Variants in PRKG1 observed in about 807,000 individuals in gnomAD.
PRKG1 encodes protein kinase cGMP-dependent 1.
A neutral mutation model predicts 88.1 loss-of-function variants in PRKG1; 35 were observed. The observed-to-expected ratio is 0.40, with a 90% confidence interval of 0.30 to 0.53. The LOEUF is 0.53. Ranked by LOEUF, PRKG1 falls within the 20% of genes least tolerant of loss-of-function variation. The pLI, the probability that PRKG1 is intolerant of heterozygous loss-of-function variation, is 0.59. For synonymous variants in PRKG1, 303 were observed against 292.5 expected (o/e 1.04, Z -0.37); for missense variants, 540 against 839.8 (o/e 0.64, Z 4.41).
At position 51,970,792 on chromosome 10, in the gene PRKG1, T is replaced by G. The variant is rs536426691; in HGVS notation, c.762+63222T>G. Among the ~76,000 whole-genome samples, 130 of 134,174 alleles carry G rather than the reference T, an allele frequency of 9.7e-4. 1 individual carries two copies. The highest frequency in any genetic ancestry group is 8.0e-3 in the South Asian group (37 of 4,598). 88.0% of individuals were successfully genotyped at this position (134,174 alleles called of 152,430 possible). ...TATATATATATCAGATATATCAGAT[T>G]ATATATATATATCAGATGATGTGTA... On this transcript the variant is annotated intron_variant, in intron 5 of 17. Transcript: ENST00000373980.
At chr10:51,213,772 G>A (rs886765884) in intron 2 of PRKG1, among the ~76,000 whole-genome samples, 1 of 152,134 alleles carries the variant, frequency 6.6e-6, no homozygotes, top group Non-Finnish European at 1.5e-5. Flanking sequence ...GTGGGTGTGT[G>A]TGTTTATGTG....
intron 9 of PRKG1, among the ~76,000 whole-genome samples, chr10:52,198,476 CAA>C (rs1375433420): frequency 6.6e-6 from 1 of 152,042 alleles, no homozygotes; most frequent in Non-Finnish European, 1.5e-5. Flanking sequence ...AAGGAAGAAA[CAA>C]TGAGCAAATA....
At chr10:51,859,883 C>T (rs559493099) in intron 4 of PRKG1, among the ~76,000 whole-genome samples, 7 of 152,286 alleles carry the variant, frequency 4.6e-5, no homozygotes, top group East Asian at 1.9e-4. Context: ...TCTCCTACCA[C>T]GTTTTAAGCT....
intron 1 of PRKG1, among the ~76,000 whole-genome samples, chr10:51,027,340 A>G (rs1843220695): frequency 6.6e-6 from 1 of 152,220 alleles, no homozygotes; most frequent in African/African-American, 2.4e-5. Context: ...ATATTGACCT[A>G]GTGTTCTCTT....
rs187993931 is a variant in PRKG1, at chr10:51,161,090, G to A, written c.478+7760G>A. Among the ~76,000 whole-genome samples, 190 of 151,906 alleles carry A rather than the reference G, an allele frequency of 1.3e-3. 1 individual carries two copies. The highest frequency in any genetic ancestry group is 4.5e-3 in the African/African-American group (185 of 41,392). On this transcript the variant is annotated intron_variant, in intron 2 of 17. Coordinates refer to ENST00000373980, the MANE Select transcript of PRKG1 (RefSeq NM_006258.4). The stretch of plus-strand genomic sequence containing the variant: ...AAGAATTCTTTATAAATTGTCCTTC[G>A]GGACAGTAAATATGCTTTTGAAAAT...
At chr10:52,176,073 C>T (rs986908657) in intron 9 of PRKG1, among the ~76,000 whole-genome samples, 1 of 151,532 alleles carries the variant, frequency 6.6e-6, no homozygotes, top group Non-Finnish European at 1.5e-5. Context: ...TTTTCCTAGG[C>T]TGATGTCTTG....
intron 4 of PRKG1, among the ~76,000 whole-genome samples, chr10:51,859,545 A>C (rs1173231381): frequency 6.6e-6 from 1 of 152,064 alleles, no homozygotes; most frequent in Non-Finnish European, 1.5e-5. Flanking sequence ...ATAAAAGAAA[A>C]AAAGAAACTC....
intron 5 of PRKG1, among the ~76,000 whole-genome samples, chr10:51,913,478 C>A (rs1842269883): frequency 1.3e-5 from 2 of 152,046 alleles, no homozygotes; most frequent in Admixed American, 1.3e-4. Context: ...TTTAATGAAC[C>A]TTTTTCTCTT....
At chr10:51,559,856 T>C (rs1837411217) in intron 3 of PRKG1, among the ~76,000 whole-genome samples, 3 of 152,072 alleles carry the variant, frequency 2.0e-5, no homozygotes, top group Admixed American at 1.3e-4. Context: ...TTAATTATGG[T>C]AGATGTTCAA....
At chr10:50,993,366 T>C (rs1430882989) in intron 1 of PRKG1, among the ~76,000 whole-genome samples, 3 of 152,228 alleles carry the variant, frequency 2.0e-5, no homozygotes, top group Non-Finnish European at 2.9e-5. Flanking sequence ...TTTGGGCCCA[T>C]CTTGCCTTGA....
At chr10:51,029,466 C>T (rs1214710081) in intron 1 of PRKG1, among the ~76,000 whole-genome samples, 1 of 152,140 alleles carries the variant, frequency 6.6e-6, no homozygotes, top group Non-Finnish European at 1.5e-5. Context: ...TCACCTCATC[C>T]ATTTCCTTTA....
At chr10:51,383,202 C>A (rs998848685) in intron 2 of PRKG1, among the ~76,000 whole-genome samples, 6 of 152,008 alleles carry the variant, frequency 3.9e-5, no homozygotes, top group Non-Finnish European at 8.8e-5. Context: ...GCTGAATAGA[C>A]AATAGACAAC....
At chr10:52,082,005 T>C (rs763799979) in intron 7 of PRKG1, among the ~76,000 whole-genome samples, 20 of 152,144 alleles carry the variant, frequency 1.3e-4, no homozygotes, top group African/African-American at 4.1e-4. Flanking sequence ...AGATGTTTAA[T>C]TGACTCACAG....
chr10:52,188,288 G>GTATA (rs1377228968), intron 9 of PRKG1, among the ~76,000 whole-genome samples: 1 of 13,062 alleles, frequency 7.7e-5, no homozygotes, highest in African/African-American at 4.2e-4. Context: ...ACATATATAT[G>GTATA]TGTATATATA....
intron 3 of PRKG1, among the ~76,000 whole-genome samples, chr10:51,480,184 T>C (rs1840314041): frequency 6.6e-6 from 1 of 152,132 alleles, no homozygotes; most frequent in South Asian, 2.1e-4. Flanking sequence ...TTCTCAATTA[T>C]TATTAATGTT....
chr10:51,473,896 A>C (rs1840121966), intron 3 of PRKG1, among the ~76,000 whole-genome samples: 1 of 151,922 alleles, frequency 6.6e-6, no homozygotes, highest in Non-Finnish European at 1.5e-5. Flanking sequence ...CATTCATTTA[A>C]CAATTTGCTT....
chr10:52,158,029 G>A (rs1467637204), intron 8 of PRKG1, among the ~76,000 whole-genome samples: 1 of 151,602 alleles, frequency 6.6e-6, no homozygotes, highest in Non-Finnish European at 1.5e-5. Context: ...CATGCATAAA[G>A]GTTTGCTGTG....
chr10:52,200,305 G>T (rs1312739125), intron 9 of PRKG1, among the ~76,000 whole-genome samples: 3 of 152,066 alleles, frequency 2.0e-5, no homozygotes, highest in Non-Finnish European at 2.9e-5. Context: ...ATGATAACAG[G>T]CAGTATTTGG....
chr10:51,899,259 A>G (rs935558969), intron 4 of PRKG1, among the ~76,000 whole-genome samples: 8 of 152,180 alleles, frequency 5.3e-5, no homozygotes, highest in Non-Finnish European at 8.8e-5. Context: ...AAATGAAAAT[A>G]TTTGAAAAAT....
Sources: allele counts gnomAD v4.1 joint callset (sites outside exome capture counted in the v4.1 genomes callset), GRCh38; gene constraint gnomAD v4.1.1; transcripts MANE v1.5; gene names NCBI Gene and HGNC (gene_info 2026-07-23, HGNC 2026-07-21).